EPHA6: variants seen among roughly 807,000 people sequenced by gnomAD.
The protein encoded by EPHA6 is ephrin type-A receptor 6.
A neutral mutation model predicts 112.0 loss-of-function variants in EPHA6; 50 were observed. That is an observed-to-expected ratio of 0.45 (90% CI 0.36 to 0.56). The LOEUF (loss-of-function observed/expected upper bound fraction) is 0.56, where lower values mean the gene tolerates loss of function less well. Among genes scored for constraint, EPHA6 ranks in the 20% least tolerant of loss-of-function variants. The probability of loss-of-function intolerance (pLI) is 0.00; values close to 1 mark genes in which losing one functional copy is unlikely to be tolerated. For synonymous variants in EPHA6, 529 were observed against 490.7 expected (o/e 1.08, Z -1.03); for missense variants, 1,280 against 1,417.4 (o/e 0.90, Z 1.56).
At chr3:97,499,684 T>C (rs1214318067) in intron 10 of EPHA6, among the ~76,000 whole-genome samples, 6 of 152,148 alleles carry the variant, frequency 3.9e-5, no homozygotes, top group Admixed American at 1.3e-4. Context: ...AGTATTTGTG[T>C]ATCTAAACAT....
chr3:97,211,808 A>G (rs2077884628), intron 3 of EPHA6, among the ~76,000 whole-genome samples: 1 of 152,234 alleles, frequency 6.6e-6, no homozygotes, highest in African/African-American at 2.4e-5. Context: ...TGACAGAGCG[A>G]GTAAACTAAA....
chr3:97,562,453 G>A lies in EPHA6; in HGVS notation c.2386+29910G>A, dbSNP rs112217920. ...AGTAACTGCAGATGTGGTGGAAGTC[G>A]CAGGAGAACTAGAATTAGAAGTGGA... On this transcript the variant is annotated intron_variant, in intron 11 of 17. Coordinates refer to ENST00000389672, the MANE Select transcript of EPHA6 (RefSeq NM_001080448.3). 4.2e-4 allele frequency among the ~76,000 whole-genome samples: 64 copies of A among 152,238 alleles called. 1 individual carries two copies. Among genetic ancestry groups the A allele is most frequent in the African/African-American group, 1.3e-3 (52 of 41,560 alleles).
intron 7 of EPHA6, among the ~76,000 whole-genome samples, chr3:97,454,567 A>G (rs1398086063): frequency 4.0e-5 from 6 of 151,896 alleles, no homozygotes; most frequent in African/African-American, 1.2e-4. Context: ...GTAACAAGCT[A>G]TAACTGGCTT....
At chr3:97,287,920 G>T (rs1436297719) in intron 5 of EPHA6, among the ~76,000 whole-genome samples, 1 of 152,016 alleles carries the variant, frequency 6.6e-6, no homozygotes, top group Non-Finnish European at 1.5e-5. Context: ...TAGTATCAGG[G>T]TAATGAGTCA....
chr3:96,829,949 GCACACACACACA>G (rs67227502), intron 1 of EPHA6, among the ~76,000 whole-genome samples: 1,745 of 136,070 alleles, frequency 0.013, 33 homozygotes, highest in African/African-American at 0.042. Context: ...GCGCGCGCGC[GCACACACACACA>G]CACACACACA....
chr3:97,438,614 A>G (rs2089978524), intron 6 of EPHA6, among the ~76,000 whole-genome samples: 2 of 152,182 alleles, frequency 1.3e-5, no homozygotes. Flanking sequence ...ATACTGTATT[A>G]AGTAGTTGGA....
chr3:96,923,245 A>G (rs2039865910), intron 2 of EPHA6, among the ~76,000 whole-genome samples: 1 of 152,154 alleles, frequency 6.6e-6, no homozygotes, highest in Middle Eastern at 3.2e-3. Flanking sequence ...GAACTAATTT[A>G]CACTCCCACC....
At chr3:97,368,405 A>G (rs1365401231) in intron 5 of EPHA6, among the ~76,000 whole-genome samples, 1 of 152,164 alleles carries the variant, frequency 6.6e-6, no homozygotes, top group Admixed American at 6.6e-5. Context: ...AAATTTATGG[A>G]ATTTGAAAAT....
intron 11 of EPHA6, among the ~76,000 whole-genome samples, chr3:97,567,519 A>G (rs2093282944): frequency 1.3e-5 from 2 of 152,210 alleles, no homozygotes; most frequent in African/African-American, 4.8e-5. Flanking sequence ...CCCAAAAGTT[A>G]TGTTGATGTC....
intron 2 of EPHA6, among the ~76,000 whole-genome samples, chr3:96,952,868 G>A (rs1280516560): frequency 6.6e-6 from 1 of 152,108 alleles, no homozygotes; most frequent in Non-Finnish European, 1.5e-5. Context: ...TCTGTCTGTG[G>A]AGGGTGGGAG....
chr3:96,929,226 A>G (rs538527560), intron 2 of EPHA6, among the ~76,000 whole-genome samples: 2 of 152,220 alleles, frequency 1.3e-5, no homozygotes, highest in African/African-American at 2.4e-5. Flanking sequence ...CATTTAGCCC[A>G]TTTTCTTTTA....
At chr3:97,380,395 GAGTAT>G (rs1408492380) in intron 5 of EPHA6, among the ~76,000 whole-genome samples, 4 of 152,154 alleles carry the variant, frequency 2.6e-5, no homozygotes, top group African/African-American at 9.7e-5. Flanking sequence ...TTGAAGAAAT[GAGTAT>G]ACATATATGT....
chr3:96,948,690 G>A (rs1260554385), intron 2 of EPHA6, among the ~76,000 whole-genome samples: 1 of 152,114 alleles, frequency 6.6e-6, no homozygotes, highest in Admixed American at 6.6e-5. Context: ...CAAGACTCAA[G>A]AAATTTGTAC....
intron 1 of EPHA6, among the ~76,000 whole-genome samples, chr3:96,848,851 A>G (rs564962739): frequency 6.3e-4 from 96 of 152,202 alleles, no homozygotes; most frequent in Admixed American, 4.3e-3. Flanking sequence ...TATATTTTGT[A>G]TAAAATTTTC....
intron 1 of EPHA6, among the ~76,000 whole-genome samples, chr3:96,855,694 A>C (rs893295173): frequency 8.6e-5 from 13 of 151,988 alleles, no homozygotes; most frequent in South Asian, 2.1e-4. Context: ...AAAAAAAAAA[A>C]CAGAGAAAAT....
At chr3:96,901,666 TA>T (rs1158600652) in intron 2 of EPHA6, among the ~76,000 whole-genome samples, 3 of 152,004 alleles carry the variant, frequency 2.0e-5, no homozygotes, top group East Asian at 1.9e-4. Context: ...GTCCTTAGGT[TA>T]AAAAAAGGAA....
At chr3:96,998,987 AC>A (rs1483400746) in intron 3 of EPHA6, among the ~76,000 whole-genome samples, 2 of 151,450 alleles carry the variant, frequency 1.3e-5, no homozygotes, top group Admixed American at 1.3e-4. Flanking sequence ...TTTCGTTCTT[AC>A]TTTTTGTTTC....
At chr3:97,482,116 C>T (rs371733431) in intron 9 of EPHA6, among the ~76,000 whole-genome samples, 1 of 152,266 alleles carries the variant, frequency 6.6e-6, no homozygotes, top group East Asian at 1.9e-4. Flanking sequence ...TTATTTTCCT[C>T]TTTACTACAC....
intron 3 of EPHA6, among the ~76,000 whole-genome samples, chr3:97,181,880 G>A (rs1291907459): frequency 6.6e-6 from 1 of 152,064 alleles, no homozygotes; most frequent in Non-Finnish European, 1.5e-5. Context: ...CCACTGCACA[G>A]TGGGTACTCC....
Sources: allele counts gnomAD v4.1 joint callset (sites outside exome capture counted in the v4.1 genomes callset), GRCh38; gene constraint gnomAD v4.1.1; transcripts MANE v1.5; gene names NCBI Gene and HGNC (gene_info 2026-07-23, HGNC 2026-07-21).